The following PI4KA variants were observed in gnomAD, a reference collection of about 807,000 sequenced individuals.
The protein encoded by PI4KA is phosphatidylinositol 4-kinase alpha, also known as PI4-kinase alpha.
PI4KA carries 122 observed loss-of-function variants against 271.4 expected under a neutral mutation model. The observed-to-expected ratio is 0.45, with a 90% CI of 0.39 to 0.52. PI4KA has a LOEUF of 0.52. PI4KA is among the 20% of genes least tolerant of loss of function. The pLI is 0.00. For synonymous variants in PI4KA, 1,041 were observed against 1,078.8 expected (o/e 0.96, Z 0.69); for missense variants, 1,969 against 2,769.1 (o/e 0.71, Z 6.48).
chr22:20,779,765 C>A, intron 19 of PI4KA: 1 of 1,614,222 alleles, frequency 6.2e-7, no homozygotes, highest in South Asian at 1.1e-5. Flanking sequence ...TCGATAACAT[C>A]TTCATAGCAC....
chr22:20,712,807 C>A lies in PI4KA; in HGVS notation c.5572-10G>T, dbSNP rs1030763175. 2 of 1,550,544 alleles carry A rather than the reference C, an allele frequency of 1.3e-6. No homozygotes were observed. The highest frequency in any genetic ancestry group is 2.7e-5 in the African/African-American group (2 of 73,166). On this transcript the variant is annotated splice_polypyrimidine_tract_variant and intron_variant, in intron 48 of 54. Coordinates refer to ENST00000255882, the MANE Select transcript of PI4KA (RefSeq NM_058004.4). ...GCAGGGCCAGCATGTCCTGGGAAGC[C>A]GGGAGGCGCAGGATGCGGTCAGTTG...
chr22:20,726,495 T>C lies in PI4KA; in HGVS notation c.4988A>G (p.Tyr1663Cys). The part of the protein sequence containing the change: ...YIPQIVQALR[Y>C]DKMGYVREYI... The stretch of plus-strand genomic sequence containing the variant: ...ATGCAGGTGCAGGCTTACCTTGTCG[T>C]ACCTGAGGGCCTGCACAATCTGGGG... The change falls in exon 42 of 55, where the codon TAC becomes TGC. Residue 1663 changes from tyrosine to cysteine, a missense_variant. Around this residue, in one of 13 missense-constraint regions of PI4KA, gnomAD observed 388 missense variants for 521.5 expected, o/e 0.74. Coordinates refer to ENST00000255882, the MANE Select transcript of PI4KA (RefSeq NM_058004.4). 1 of 1,567,006 alleles carries C rather than the reference T, an allele frequency of 6.4e-7. No individual in the cohort carries two copies. The highest frequency in any genetic ancestry group is 8.6e-7 in the Non-Finnish European group (1 of 1,162,636).
chr22:20,757,551 CT>C (rs368768887), intron 23 of PI4KA, among the ~76,000 whole-genome samples: 39 of 146,158 alleles, frequency 2.7e-4, no homozygotes, highest in African/African-American at 2.7e-4. Flanking sequence ...GTTCTCCTTC[CT>C]TTTTTTTTTT....
At chr22:20,715,509 C>G (rs1214198887) in intron 45 of PI4KA, among the ~76,000 whole-genome samples, 2 of 152,164 alleles carry the variant, frequency 1.3e-5, no homozygotes, top group Non-Finnish European at 2.9e-5. Flanking sequence ...GAGTCCTACT[C>G]TGTCGCCCAG....
rs967754314 is a variant in PI4KA at position 20,717,759 on chromosome 22, C to T, written c.5266G>A (p.Glu1756Lys). ...GCCGACAGACAAGCCTTCTTTCTCT[C>T]GTCGCCTTTAGGGTAGGGCCTGAGA... is the stretch of plus-strand genomic sequence containing the variant. The part of the protein sequence containing the change: ...AIIKPYPKGD[E>K]RKKACLSALS... Residue 1756 changes from glutamate to lysine, a missense_variant, in exon 45 of 55, where the codon GAG becomes AAG. This residue lies in a region of PI4KA where 388 missense variants were observed against 521.5 expected (regional missense o/e 0.74). Transcript: ENST00000255882. 7 of 1,574,710 alleles carry T rather than the reference C, an allele frequency of 4.4e-6. No homozygotes were observed. The highest frequency in any genetic ancestry group is 1.3e-5 in the African/African-American group (1 of 74,276).
At chr22:20,809,737 C>T (rs1346106691) in intron 9 of PI4KA, among the ~76,000 whole-genome samples, 4 of 152,146 alleles carry the variant, frequency 2.6e-5, no homozygotes, top group Non-Finnish European at 2.9e-5. Flanking sequence ...ATGGGCAGAA[C>T]GACAACCTGA....
intron 4 of PI4KA, among the ~76,000 whole-genome samples, chr22:20,821,393 T>C (rs1569072642): frequency 6.6e-6 from 1 of 150,954 alleles, no homozygotes; most frequent in Non-Finnish European, 1.5e-5. Flanking sequence ...TAATTTTTTG[T>C]ATTTTTAGTA....
At chr22:20,725,716 C>T (rs750483826) in intron 42 of PI4KA, 7 of 281,448 alleles carry the variant, frequency 2.5e-5, no homozygotes, top group Admixed American at 1.6e-4. Flanking sequence ...GACAACATAG[C>T]GAAACTCCAT....
chr22:20,803,820 G>A (rs908989532), intron 12 of PI4KA, among the ~76,000 whole-genome samples: 2 of 152,302 alleles, frequency 1.3e-5, no homozygotes, highest in South Asian at 4.1e-4. Context: ...ACCTGGCCAG[G>A]GGATATAGAT....
chr22:20,743,689 G>T (rs1418619341), intron 30 of PI4KA, among the ~76,000 whole-genome samples: 1 of 152,126 alleles, frequency 6.6e-6, no homozygotes, highest in Non-Finnish European at 1.5e-5. Flanking sequence ...GTGACAGAGT[G>T]CTAAGAAGGA....
intron 1 of PI4KA, among the ~76,000 whole-genome samples, chr22:20,839,489 G>A (rs1056311427): frequency 6.6e-6 from 1 of 152,142 alleles, no homozygotes; most frequent in South Asian, 2.1e-4. Flanking sequence ...CCACGAACAG[G>A]TTACCCAAAC....
chr22:20,825,407 C>G (rs1923278409), intron 3 of PI4KA, among the ~76,000 whole-genome samples: 1 of 152,126 alleles, frequency 6.6e-6, no homozygotes, highest in Admixed American at 6.6e-5. Flanking sequence ...CCAGCCCAGC[C>G]AACATGGCAA....
At chr22:20,795,838 G>C (rs1295012467) in intron 18 of PI4KA, among the ~76,000 whole-genome samples, 1 of 152,124 alleles carries the variant, frequency 6.6e-6, no homozygotes, top group African/African-American at 2.4e-5. Context: ...TGGGCTTCAT[G>C]ATAAAGGCAA....
intron 19 of PI4KA, chr22:20,779,403 G>T: frequency 6.2e-7 from 1 of 1,614,242 alleles, no homozygotes; most frequent in Non-Finnish European, 8.5e-7. Flanking sequence ...GCTAGAGAAA[G>T]GAGGGGAAAC....
At chr22:20,820,656 T>C in intron 4 of PI4KA, 45 bp from the exon 5 acceptor site, 1 of 1,342,096 alleles carries the variant, frequency 7.5e-7, no homozygotes, top group Non-Finnish European at 1.1e-6. Context: ...TAAACAAAAT[T>C]AGGTAAATAT....
In PI4KA at chr22:20,708,017, A is replaced by G. The variant is rs778631139; in HGVS notation, c.*30T>C. ...GATTGTGGGACAGCTTTGAGGGCAC[A>G]TGGGGCAGAGGCCCTCGAAGGTCCC... On this transcript the variant is annotated 3_prime_UTR_variant, in exon 55 of 55. Coordinates refer to ENST00000255882, the MANE Select transcript of PI4KA (RefSeq NM_058004.4). 3.2e-6 allele frequency: 5 copies of G among 1,574,920 alleles called. No individual in the cohort carries two copies. The highest frequency in any genetic ancestry group is 2.2e-5 in the East Asian group (1 of 44,722).
chr22:20,751,625 G>C (rs748934210), intron 26 of PI4KA, 49 bp downstream of exon 26: 1 of 1,457,348 alleles, frequency 6.9e-7, no homozygotes, highest in Non-Finnish European at 9.6e-7. Context: ...CGGCGGGGTG[G>C]TGGTAGAGCG....
intron 24 of PI4KA, 40 bp downstream of exon 24, chr22:20,753,070 C>A: frequency 6.2e-7 from 1 of 1,614,186 alleles, no homozygotes; most frequent in African/African-American, 1.3e-5. Flanking sequence ...CCCCAGATGC[C>A]TCCAGCAGAC....
In PI4KA at chr22:20,712,536, C is replaced by A. The variant is rs1220065602; in HGVS notation, c.5752G>T (p.Asp1918Tyr). ...TCCCCGTACTGGCGTGTGAAGTAGT[C>A]GTACATGCCGAAGTCTGTCTGGCGG... ...LGRQTDFGMY[D>Y]YFTRQYGDES... The change falls in exon 50 of 55, where the codon GAC becomes TAC. Residue 1918 changes from aspartate to tyrosine, a missense_variant. Transcript: ENST00000255882. 1 of 1,600,202 alleles carries A rather than the reference C, an allele frequency of 6.2e-7. No individual in the cohort carries two copies. The highest frequency in any genetic ancestry group is 8.5e-7 in the Non-Finnish European group (1 of 1,174,654).
Sources: gnomAD v4.1 joint callset for allele counts (sites outside exome capture counted in the v4.1 genomes callset) on GRCh38, gnomAD v4.1.1 for gene constraint, gnomAD v4.1.1 regional missense constraint, MANE v1.5 for transcripts, NCBI Gene and HGNC (gene_info 2026-07-23, HGNC 2026-07-21) for gene names.